MACROD2: variants seen among roughly 807,000 people sequenced by gnomAD.
MACROD2 encodes the protein ADP-ribose glycohydrolase MACROD2.
MACROD2 carries 36 observed loss-of-function variants against 70.4 expected under a neutral mutation model. The observed-to-expected ratio is 0.51, with a 90% CI of 0.39 to 0.68. The LOEUF (loss-of-function observed/expected upper bound fraction) is 0.68, where lower values mean the gene tolerates loss of function less well. Ranked by LOEUF, MACROD2 falls within the 30% of genes least tolerant of loss-of-function variation. The pLI is 0.00. For missense variants in MACROD2, 496 were observed against 538.4 expected (o/e 0.92, Z 0.78); for synonymous variants, 172 against 178.8 (o/e 0.96, Z 0.30).
intron 4 of MACROD2, among the ~76,000 whole-genome samples, chr20:14,596,125 G>T (rs1321222578): frequency 1.3e-5 from 2 of 151,326 alleles, no homozygotes; most frequent in Non-Finnish European, 2.9e-5. Flanking sequence ...GCCCTCTGTG[G>T]CCCAGGCTGG....
intron 4 of MACROD2, among the ~76,000 whole-genome samples, chr20:14,502,189 G>A (rs1186051699): frequency 1.3e-5 from 2 of 152,120 alleles, no homozygotes; most frequent in Non-Finnish European, 2.9e-5. Flanking sequence ...GCACAGAATT[G>A]TTTTTTTAAC....
chr20:14,067,987 A>G (rs550545433), intron 2 of MACROD2, among the ~76,000 whole-genome samples: 2 of 152,322 alleles, frequency 1.3e-5, no homozygotes, highest in South Asian at 4.1e-4. Context: ...CAAAATATTA[A>G]CATAGAGAAA....
chr20:14,475,463 G>T (rs2084582156), intron 3 of MACROD2, among the ~76,000 whole-genome samples: 1 of 152,022 alleles, frequency 6.6e-6, no homozygotes. Flanking sequence ...TTTTATCAGT[G>T]AGTTTTATAC....
intron 5 of MACROD2, among the ~76,000 whole-genome samples, chr20:15,219,809 A>T (rs770833289): frequency 1.4e-4 from 22 of 152,132 alleles, no homozygotes; most frequent in Non-Finnish European, 2.8e-4. Context: ...ATTCCTTCAG[A>T]GGGTGTCTAG....
chr20:14,750,275 TAG>T (rs1403177982), intron 5 of MACROD2, among the ~76,000 whole-genome samples: 1 of 152,144 alleles, frequency 6.6e-6, no homozygotes, highest in African/African-American at 2.4e-5. Context: ...TATAAAATTA[TAG>T]ACAGTTTGTA....
At chr20:15,837,341 T>A (rs1203616340) in intron 8 of MACROD2, among the ~76,000 whole-genome samples, 1 of 152,186 alleles carries the variant, frequency 6.6e-6, no homozygotes, top group East Asian at 1.9e-4. Flanking sequence ...ACAGAAAATC[T>A]TATTGAATGG....
intron 4 of MACROD2, among the ~76,000 whole-genome samples, chr20:14,648,642 C>A (rs114367761): frequency 0.037 from 5,522 of 150,568 alleles, 280 homozygotes; most frequent in African/African-American, 0.11. Flanking sequence ...ATATATCTAT[C>A]TATCTCACAT....
chr20:14,405,965 T>TA (rs1464634572), intron 3 of MACROD2, among the ~76,000 whole-genome samples: 2 of 152,182 alleles, frequency 1.3e-5, no homozygotes, highest in East Asian at 3.9e-4. Flanking sequence ...TTTTATCTAA[T>TA]AAAAAAAGAG....
At chr20:15,705,897 A>G (rs1461844998) in intron 8 of MACROD2, among the ~76,000 whole-genome samples, 1 of 152,184 alleles carries the variant, frequency 6.6e-6, no homozygotes, top group Non-Finnish European at 1.5e-5. Flanking sequence ...TGGTTTCTTA[A>G]TTATCCCAAG....
intron 3 of MACROD2, among the ~76,000 whole-genome samples, chr20:14,441,072 C>G (rs1233066884): frequency 2.6e-5 from 4 of 152,148 alleles, no homozygotes; most frequent in Non-Finnish European, 5.9e-5. Context: ...AAAACATGTG[C>G]ATTATTTATG....
At chr20:15,708,580 A>G (rs1414687508) in intron 8 of MACROD2, among the ~76,000 whole-genome samples, 1 of 152,158 alleles carries the variant, frequency 6.6e-6, no homozygotes, top group Admixed American at 6.5e-5. Context: ...CTGTTCAATA[A>G]TGCCTCGACT....
At chr20:15,199,746 A>G (rs2076639564) in intron 5 of MACROD2, among the ~76,000 whole-genome samples, 1 of 152,180 alleles carries the variant, frequency 6.6e-6, no homozygotes, top group Non-Finnish European at 1.5e-5. Flanking sequence ...AAAGTTTGTT[A>G]AATTATTTTA....
In MACROD2 at chr20:14,575,704, T is replaced by G. The variant is rs529313794; in HGVS notation, c.301+82196T>G. 3.1e-4 allele frequency among the ~76,000 whole-genome samples: 47 copies of G among 152,320 alleles called. No homozygotes were observed. The Middle Eastern group carries it at 0.014, about 44-fold the overall frequency. On this transcript the variant is annotated intron_variant, in intron 4 of 17. Transcript: ENST00000684519. ...ATATGTACATTTTATAAATAAAATT[T>G]TAATATTCATTATTAATGTAGGAAA...
At chr20:14,511,976 A>T (rs1316932677) in intron 4 of MACROD2, among the ~76,000 whole-genome samples, 1 of 151,210 alleles carries the variant, frequency 6.6e-6, no homozygotes, top group African/African-American at 2.5e-5. Flanking sequence ...GGAGGGGGAA[A>T]AATGAGGATT....
chr20:14,437,621 AT>A (rs2084072252), intron 3 of MACROD2, among the ~76,000 whole-genome samples: 1 of 152,108 alleles, frequency 6.6e-6, no homozygotes, highest in Non-Finnish European at 1.5e-5. Context: ...CTCATTAAAT[AT>A]TTGTTATATG....
intron 8 of MACROD2, among the ~76,000 whole-genome samples, chr20:15,538,395 A>T (rs1184893225): frequency 6.6e-6 from 1 of 152,204 alleles, no homozygotes; most frequent in Admixed American, 6.5e-5. Flanking sequence ...GGAATCTAAG[A>T]TTTCTTGCTC....
At chr20:14,040,951 G>A (rs1233966886) in intron 2 of MACROD2, among the ~76,000 whole-genome samples, 1 of 152,174 alleles carries the variant, frequency 6.6e-6, no homozygotes, top group African/African-American at 2.4e-5. Flanking sequence ...AGAAAGTTAA[G>A]TTAGAAGGAG....
chr20:15,491,694 TG>T (rs1388022648), intron 7 of MACROD2, among the ~76,000 whole-genome samples: 4 of 152,192 alleles, frequency 2.6e-5, no homozygotes. Flanking sequence ...AAGAATGTTT[TG>T]GGGGTGCCTT....
intron 5 of MACROD2, among the ~76,000 whole-genome samples, chr20:14,720,955 A>G (rs544849743): frequency 1.3e-5 from 2 of 152,232 alleles, no homozygotes; most frequent in Admixed American, 1.3e-4. Flanking sequence ...TAAATTGAAC[A>G]TTAAAACTCA....
Sources: gnomAD v4.1 joint callset for allele counts (sites outside exome capture counted in the v4.1 genomes callset) on GRCh38, gnomAD v4.1.1 for gene constraint, MANE v1.5 for transcripts, NCBI Gene and HGNC (gene_info 2026-07-23, HGNC 2026-07-21) for gene names.